Variants in KLF8 observed in about 807,000 individuals in gnomAD.
The protein encoded by KLF8 is KLF transcription factor 8, also known as Krueppel-like factor 8.
KLF8 carries 10 observed loss-of-function variants against 18.2 expected under a neutral mutation model. That is an observed-to-expected ratio of 0.55 (90% confidence interval 0.34 to 0.93). The LOEUF is 0.93. Among genes scored for constraint, KLF8 ranks in the 40% least tolerant of loss-of-function variants. KLF8 has a pLI of 0.02. For synonymous variants in KLF8, 109 were observed against 97.3 expected (o/e 1.12, Z -0.71); for missense variants, 264 against 277.9 (o/e 0.95, Z 0.36).
At chrX:55,933,055 T>G in the KLF8 span, among the ~76,000 whole-genome samples, 1 of 110,552 alleles carries the variant, frequency 9.0e-6, no homozygotes, top group Admixed American at 9.7e-5. Flanking sequence ...CAAATGGATG[T>G]TTTTTTTTCT....
the KLF8 span, among the ~76,000 whole-genome samples, chrX:56,148,600 G>A: frequency 2.7e-5 from 3 of 111,911 alleles, no homozygotes; most frequent in East Asian, 8.4e-4. Flanking sequence ...CTCAAGACTG[G>A]GTAATTTACA....
chrX:56,218,372 TAAA>T, the KLF8 span, among the ~76,000 whole-genome samples: 314 of 111,098 alleles, frequency 2.8e-3, no homozygotes, highest in African/African-American at 9.7e-3. Flanking sequence ...TGGGGTATGA[TAAA>T]AACAGTCCTT....
the KLF8 span, among the ~76,000 whole-genome samples, chrX:56,018,147 T>C: frequency 9.0e-6 from 1 of 111,605 alleles, no homozygotes; most frequent in Non-Finnish European, 1.9e-5. Context: ...TATCTAACTG[T>C]ATCTTTGTAC....
chrX:56,128,551 G>A, the KLF8 span, among the ~76,000 whole-genome samples: 2 of 111,480 alleles, frequency 1.8e-5, no homozygotes, highest in East Asian at 5.6e-4. Flanking sequence ...AAAAAAAGTA[G>A]AAAATAAAGA....
the KLF8 span, among the ~76,000 whole-genome samples, chrX:55,969,499 AG>A: frequency 1.8e-5 from 2 of 111,882 alleles, no homozygotes; most frequent in African/African-American, 3.2e-5. Flanking sequence ...TGTGAAAAAA[AG>A]AAATACTTCA....
the KLF8 span, among the ~76,000 whole-genome samples, chrX:55,955,369 G>A: frequency 4.5e-5 from 5 of 111,301 alleles, no homozygotes; most frequent in Admixed American, 9.6e-5. Flanking sequence ...AGAGTCAGGA[G>A]ATCTGATCGT....
At chrX:56,005,432 A>G in the KLF8 span, among the ~76,000 whole-genome samples, 1 of 111,937 alleles carries the variant, frequency 8.9e-6, no homozygotes, top group Admixed American at 9.5e-5. Flanking sequence ...AGTTAAGTGC[A>G]TGCTGTAGCC....
At chrX:56,239,764 C>G (rs1431657744) in intron 1 of KLF8, among the ~76,000 whole-genome samples, 2 of 112,065 alleles carry the variant, frequency 1.8e-5, no homozygotes, top group African/African-American at 6.5e-5. Context: ...TCCCTGTCCC[C>G]CTTTTTGCCA....
rs368843554 is a variant in KLF8 at position 56,266,718 on chromosome X, CA to C, written c.646+975del. On this transcript the variant is annotated intron_variant, in intron 3 of 5. Coordinates refer to ENST00000468660, the MANE Select transcript of KLF8 (RefSeq NM_007250.5). ...AAGGAAAATTATGTGGCCTCTAAAG[CA>C]GGCTGATAATGTTTTGCATAAATCG... is the stretch of plus-strand genomic sequence containing the variant. 520 of 751,881 alleles carry C rather than the reference CA, an allele frequency of 6.9e-4. 2 individuals are homozygous for C. In the African/African-American group the frequency reaches 0.011, roughly 16 times the overall value. The allele number at this position is 751,881 out of a possible 1,213,427, so 62.0% of individuals were successfully genotyped here. A position where few individuals can be genotyped will look rare whatever the true frequency, so the allele number is the denominator to read the frequency against.
the KLF8 span, among the ~76,000 whole-genome samples, chrX:56,220,837 G>A: frequency 8.9e-6 from 1 of 112,357 alleles, no homozygotes; most frequent in Non-Finnish European, 1.9e-5. Context: ...TCTTTGAGAG[G>A]CACTTCTTTT....
At chrX:56,080,733 C>T in the KLF8 span, among the ~76,000 whole-genome samples, 1 of 111,829 alleles carries the variant, frequency 8.9e-6, no homozygotes, top group African/African-American at 3.2e-5. Flanking sequence ...GGATAATATC[C>T]TGCAGAGTGT....
chrX:56,080,495 C>T, the KLF8 span, among the ~76,000 whole-genome samples: 5 of 111,146 alleles, frequency 4.5e-5, no homozygotes, highest in African/African-American at 9.9e-5. Context: ...CTTCTGGCTT[C>T]TAGGGTTTCT....
At chrX:56,129,489 G>A in the KLF8 span, among the ~76,000 whole-genome samples, 2 of 111,417 alleles carry the variant, frequency 1.8e-5, no homozygotes, top group Admixed American at 9.5e-5. Flanking sequence ...GCGAAATACA[G>A]GGGTAGAGGA....
chrX:55,989,882 C>A, the KLF8 span, among the ~76,000 whole-genome samples: 2 of 111,106 alleles, frequency 1.8e-5, no homozygotes, highest in Non-Finnish European at 3.8e-5. Context: ...AATTTCAGCT[C>A]CTGTTATTGG....
At chrX:56,207,601 T>A in the KLF8 span, among the ~76,000 whole-genome samples, 7 of 111,470 alleles carry the variant, frequency 6.3e-5, no homozygotes, top group Admixed American at 5.7e-4. Context: ...AGTTCTCATA[T>A]CCATCTGAGA....
chrX:56,151,467 A>T, the KLF8 span, among the ~76,000 whole-genome samples: 1 of 111,564 alleles, frequency 9.0e-6, no homozygotes, highest in East Asian at 2.8e-4. Context: ...TATAGAAAGT[A>T]AAACTGACAG....
chrX:55,997,304 C>T, the KLF8 span, among the ~76,000 whole-genome samples: 8 of 112,016 alleles, frequency 7.1e-5, no homozygotes, highest in Non-Finnish European at 5.6e-5. Context: ...TGGCCATGCT[C>T]CACTGCAGCC....
the KLF8 span, among the ~76,000 whole-genome samples, chrX:56,133,663 A>T: frequency 8.9e-6 from 1 of 111,804 alleles, no homozygotes; most frequent in Non-Finnish European, 1.9e-5. Flanking sequence ...AGTCCTAGCC[A>T]GAGCAATCAT....
At chrX:56,175,254 A>G in the KLF8 span, among the ~76,000 whole-genome samples, 1 of 111,783 alleles carries the variant, frequency 8.9e-6, no homozygotes, top group Admixed American at 9.5e-5. Context: ...ATTTCCCTCT[A>G]CACACTGCTT....
Sources: allele counts gnomAD v4.1 joint callset (sites outside exome capture counted in the v4.1 genomes callset), GRCh38; gene constraint gnomAD v4.1.1; transcripts MANE v1.5; gene names NCBI Gene and HGNC (gene_info 2026-07-23, HGNC 2026-07-21).